CD8B: variants seen among roughly 807,000 people sequenced by gnomAD.
The protein encoded by CD8B is CD8 subunit beta, also known as T-cell surface glycoprotein CD8 beta chain.
CD8B carries 6 observed loss-of-function variants against 24.2 expected under a neutral mutation model. The ratio of observed to expected loss-of-function variants is 0.25; its 90% CI spans 0.14 to 0.49. CD8B has a LOEUF of 0.49. CD8B is among the 20% of genes least tolerant of loss of function. The pLI, the probability that CD8B is intolerant of heterozygous loss-of-function variation, is 0.98. For synonymous variants in CD8B, 84 were observed against 108.3 expected, an observed-to-expected ratio of 0.78 and a Z score of 1.39; for missense variants, 196 against 271.3, an observed-to-expected ratio of 0.72 and a Z score of 1.95.
chr2:86,819,046 C>G (rs1674366011), intron 5 of CD8B, among the ~76,000 whole-genome samples: 1 of 152,098 alleles, frequency 6.6e-6, no homozygotes, highest in Admixed American at 6.5e-5. Flanking sequence ...AAGCCTAATC[C>G]AGAGCAAAGT....
chr2:86,832,717 T>C (rs1178480125), intron 5 of CD8B, among the ~76,000 whole-genome samples: 2 of 152,066 alleles, frequency 1.3e-5, no homozygotes, highest in Non-Finnish European at 2.9e-5. Flanking sequence ...CAAATCCTTT[T>C]TGGGAATTAG....
chr2:86,818,630 T>A (rs1269349134), intron 5 of CD8B, among the ~76,000 whole-genome samples: 1 of 152,220 alleles, frequency 6.6e-6, no homozygotes, highest in East Asian at 1.9e-4. Flanking sequence ...GTTGGGTGTG[T>A]TCTGACTGCT....
At chr2:86,824,998 T>A (rs554952790) in intron 5 of CD8B, among the ~76,000 whole-genome samples, 1 of 152,176 alleles carries the variant, frequency 6.6e-6, no homozygotes, top group Non-Finnish European at 1.5e-5. Flanking sequence ...TGGCACAGAT[T>A]AGTATTTCCT....
chr2:86,840,030 G>C lies in CD8B; in HGVS notation c.*2277C>G, dbSNP rs1339164638. Among the ~76,000 whole-genome samples, 1 of 152,212 alleles carries C rather than the reference G, an allele frequency of 6.6e-6. No individual in the cohort carries two copies. Among genetic ancestry groups the C allele is most frequent in the East Asian group, 1.9e-4 (1 of 5,196 alleles). On this transcript the variant is annotated 3_prime_UTR_variant, in exon 6 of 6. Coordinates refer to ENST00000390655, the MANE Select transcript of CD8B (RefSeq NM_004931.5). ...CTTTTGTTTCTTTTGAACACCTCTT[G>C]CTGAGGCAGGAGTCTAGGGTCTGGG...
intron 2 of CD8B, among the ~76,000 whole-genome samples, chr2:86,857,813 C>T (rs1676347937): frequency 6.6e-6 from 1 of 152,208 alleles, no homozygotes; most frequent in Non-Finnish European, 1.5e-5. Flanking sequence ...TTATTCCCAC[C>T]TAAAGTGGTT....
At chr2:86,848,715 T>TATTTA (rs1175695385) in intron 3 of CD8B, among the ~76,000 whole-genome samples, 74 of 98,212 alleles carry the variant, frequency 7.5e-4, no homozygotes, top group African/African-American at 8.3e-4. Context: ...TTTATTTATT[T>TATTTA]ATTTATTTAT....
chr2:86,848,932 G>C (rs202202239), intron 3 of CD8B, among the ~76,000 whole-genome samples: 22,518 of 149,818 alleles, frequency 0.15, 14 homozygotes, highest in Admixed American at 0.19. Flanking sequence ...GGCCAGGCTG[G>C]TCTCGAGCTC....
intron 5 of CD8B, among the ~76,000 whole-genome samples, chr2:86,832,497 AAG>A (rs1166670625): frequency 1.3e-5 from 2 of 151,940 alleles, no homozygotes; most frequent in Non-Finnish European, 2.9e-5. Flanking sequence ...AAAAAAAAAA[AAG>A]AGATATCATA....
At chr2:86,850,115 G>A (rs2104562045) in intron 3 of CD8B, among the ~76,000 whole-genome samples, 1 of 152,300 alleles carries the variant, frequency 6.6e-6, no homozygotes, top group South Asian at 2.1e-4. Context: ...GTGGAGGCCA[G>A]CAATGTAGCT....
downstream of CD8B, among the ~76,000 whole-genome samples, chr2:86,833,639 C>CCCTCCCTTCCTTCCTTCCTTCCTTCCTT (rs559210826): frequency 1.3e-4 from 10 of 76,014 alleles, 1 homozygote; most frequent in Admixed American, 5.4e-4. Flanking sequence ...CTCCCTCCCT[C>CCCTCCCTTCCTTCCTTCCTTCCTTCCTT]CCTTCCTTCC....
chr2:86,815,611 G>A, exon 6 of CD8B: 2 of 1,591,392 alleles, frequency 1.3e-6, no homozygotes, highest in Non-Finnish European at 1.7e-6. Context: ...TCTTGCCTAT[G>A]TTTTCAGGAT....
Position 86,838,682 on chromosome 2 carries a change from T to C in CD8B, c.*3625A>G, listed in dbSNP as rs1675285514. Among the ~76,000 whole-genome samples the C allele has an allele frequency of 6.6e-6, 1 of 152,094 alleles. No individual in the cohort carries two copies. Among genetic ancestry groups the C allele is most frequent in the Admixed American group, 6.5e-5 (1 of 15,278 alleles). ...CCCAGAAAAAAATTTAAAAATTTTT[T>C]GTAGAGTCGAGGTCTTGCTATGTTG... On this transcript the variant is annotated 3_prime_UTR_variant, in exon 6 of 6. Coordinates refer to ENST00000390655, the MANE Select transcript of CD8B (RefSeq NM_004931.5).
chr2:86,826,835 T>A (rs1360433754), intron 5 of CD8B, among the ~76,000 whole-genome samples: 5 of 151,554 alleles, frequency 3.3e-5, no homozygotes, highest in Non-Finnish European at 7.4e-5. Flanking sequence ...TTTTTTTTTT[T>A]TTTTGAGACG....
In CD8B at chr2:86,858,355, C is replaced by G. The variant is rs751251633; in HGVS notation, c.105G>C (p.Lys35Asn). ...TPAYIKVQTN[K>N]MVMLSCEAKI... ...TAGCCTCGCAGGACAGCATCACCAT[C>G]TTGTTGGTTTGCACCTTTATGTATG... is the stretch of plus-strand genomic sequence containing the variant. The change falls in exon 2 of 6, where the codon AAG becomes AAC. Residue 35 changes from lysine (K) to asparagine (N), a missense_variant. By Grantham distance (94) the Lys-to-Asn change is moderately conservative. Coordinates refer to ENST00000390655, the MANE Select transcript of CD8B (RefSeq NM_004931.5). 1.2e-6 allele frequency: 2 copies of G among 1,613,574 alleles called. No individual in the cohort carries two copies. The highest frequency in any genetic ancestry group is 1.7e-5 in the Admixed American group (1 of 59,966).
intron 5 of CD8B, among the ~76,000 whole-genome samples, chr2:86,831,571 TA>T (rs1360114118): frequency 6.6e-6 from 1 of 152,242 alleles, no homozygotes; most frequent in Non-Finnish European, 1.5e-5. Context: ...CTTCTGATTC[TA>T]AAAGAATAGG....
At position 86,852,685 on chromosome 2, in the gene CD8B, A is replaced by G. The variant is rs117590522; in HGVS notation, c.493+312T>C. Among the ~76,000 whole-genome samples, 411 of 152,346 alleles carry G rather than the reference A, an allele frequency of 2.7e-3. 10 individuals are homozygous for G. The East Asian group carries it at 0.05, about 19-fold the overall frequency. On this transcript the variant is annotated intron_variant, in intron 3 of 5. Transcript: ENST00000390655. ...TAAGCCACATTTTGTTAATCAGCTC[A>G]TTAGCTGGTGGATGTTTGGGTAGTT...
intron 3 of CD8B, among the ~76,000 whole-genome samples, chr2:86,848,429 C>T (rs2104556749): frequency 6.6e-6 from 1 of 152,230 alleles, no homozygotes; most frequent in Middle Eastern, 3.4e-3. Flanking sequence ...ATTTTGTGTG[C>T]TATTTAAACA....
intron 5 of CD8B, among the ~76,000 whole-genome samples, chr2:86,825,819 C>T (rs527663238): frequency 6.6e-6 from 1 of 152,308 alleles, no homozygotes. Context: ...CCATGCCTCA[C>T]CTCCTGCCCG....
In CD8B at chr2:86,838,549, A is replaced by G. The variant is rs1465697940; in HGVS notation, c.*3758T>C. On this transcript the variant is annotated 3_prime_UTR_variant, in exon 6 of 6. Transcript: ENST00000390655. ...GGTCTGTCTGTGTTGCCCAGGCTGG[A>G]GTGCAGTGGCGTGATCACAGCTCAC... is the stretch of plus-strand genomic sequence containing the variant. Among the ~76,000 whole-genome samples, 1 of 152,180 alleles carries G rather than the reference A, an allele frequency of 6.6e-6. No individual in the cohort carries two copies. The highest frequency in any genetic ancestry group is 1.5e-5 in the Non-Finnish European group (1 of 68,030).
Sources: gnomAD v4.1 joint callset for allele counts (sites outside exome capture counted in the v4.1 genomes callset) on GRCh38, gnomAD v4.1.1 for gene constraint, MANE v1.5 for transcripts, NCBI Gene and HGNC (gene_info 2026-07-23, HGNC 2026-07-21) for gene names.